Variants in IFT74 observed in about 807,000 individuals in gnomAD.
IFT74 encodes the protein intraflagellar transport 74.
A neutral mutation model predicts 96.7 loss-of-function variants in IFT74; 92 were observed. The ratio of observed to expected loss-of-function variants is 0.95; its 90% confidence interval spans 0.80 to 1.13. The LOEUF (loss-of-function observed/expected upper bound fraction) is 1.13, where lower values mean the gene tolerates loss of function less well. Among genes scored for constraint, IFT74 ranks in the 50% most tolerant of loss-of-function variants. The probability of loss-of-function intolerance (pLI) is 0.00; values close to 1 mark genes in which losing one functional copy is unlikely to be tolerated. For missense variants in IFT74, 811 were observed against 698.2 expected (o/e 1.16, Z -1.82); for synonymous variants, 223 against 213.2 (o/e 1.05, Z -0.40).
intron 16 of IFT74, among the ~76,000 whole-genome samples, chr9:27,049,105 C>G (rs1819819236): frequency 6.6e-6 from 1 of 152,072 alleles, no homozygotes; most frequent in Non-Finnish European, 1.5e-5. Flanking sequence ...ATGCAGGCTC[C>G]CCTTTGCCTT....
At chr9:26,985,198 C>G (rs935316383) in intron 6 of IFT74, among the ~76,000 whole-genome samples, 1 of 152,116 alleles carries the variant, frequency 6.6e-6, no homozygotes, top group Non-Finnish European at 1.5e-5. Context: ...CAAACTAACA[C>G]AGGAAAAGAA....
chr9:27,013,398 A>G (rs1349235437), intron 10 of IFT74, among the ~76,000 whole-genome samples: 2 of 152,230 alleles, frequency 1.3e-5, no homozygotes, highest in African/African-American at 4.8e-5. Context: ...GAAAGCATAC[A>G]TTTTATGCGA....
intron 13 of IFT74, among the ~76,000 whole-genome samples, chr9:27,037,955 G>C (rs1031667122): frequency 1.3e-5 from 2 of 152,176 alleles, no homozygotes; most frequent in Non-Finnish European, 2.9e-5. Flanking sequence ...TGATGTTCTT[G>C]CCTAAGGCAA....
chr9:27,038,626 T>G (rs1819319388), intron 13 of IFT74, among the ~76,000 whole-genome samples: 1 of 152,162 alleles, frequency 6.6e-6, no homozygotes, highest in Non-Finnish European at 1.5e-5. Context: ...AATGCTTCTC[T>G]GACATGATCA....
At chr9:27,035,982 C>T (rs1203092821) in intron 13 of IFT74, among the ~76,000 whole-genome samples, 1 of 152,198 alleles carries the variant, frequency 6.6e-6, no homozygotes, top group African/African-American at 2.4e-5. Context: ...CAAAGGTCTA[C>T]TGTTGGCTGG....
intron 8 of IFT74, chr9:26,995,334 T>C (rs1341322791): frequency 3.7e-5 from 19 of 508,444 alleles, no homozygotes; most frequent in Non-Finnish European, 3.5e-6. Flanking sequence ...TACCGAGGAG[T>C]GTCAGTTACT....
At chr9:27,061,657 A>G (rs940473024) in intron 19 of IFT74, among the ~76,000 whole-genome samples, 2 of 145,390 alleles carry the variant, frequency 1.4e-5, no homozygotes, top group South Asian at 2.4e-4. Context: ...ATATAACCAT[A>G]TAGTTATATA....
chr9:27,056,427 A>G lies in IFT74; in HGVS notation c.1591A>G (p.Thr531Ala), dbSNP rs1481329254. 3 of 1,599,708 alleles carry G rather than the reference A, an allele frequency of 1.9e-6. No homozygotes were observed. Among genetic ancestry groups the G allele is most frequent in the Non-Finnish European group, 2.6e-6 (3 of 1,174,680 alleles). Residue 531 changes from threonine to alanine, a missense_variant, in exon 18 of 20, where the codon ACA becomes GCA. Physicochemically the swap from Thr to Ala is moderately conservative, Grantham distance 58. Transcript: ENST00000380062. Reference sequence around the variant, plus strand: ...AAACATAGAGTATGAGGCACTAAAAACACAATTGCAAGAAAATGAGACACA... The same window carrying G: ...AAACATAGAGTATGAGGCACTAAAAGCACAATTGCAAGAAAATGAGACACA... ...KQNIEYEALK[T>A]QLQENETHSQ...
At chr9:26,985,531 A>T (rs2131543562) in intron 6 of IFT74, among the ~76,000 whole-genome samples, 1 of 152,288 alleles carries the variant, frequency 6.6e-6, no homozygotes, top group Non-Finnish European at 1.5e-5. Flanking sequence ...ATAGTACATG[A>T]ATACATACTT....
rs188092185 is a variant in IFT74 at position 27,062,586 on chromosome 9, A to G, written c.1685-32A>G. ...CTCAGGCACAATTAGATTTTTATTG[A>G]CATTGTTTTCCCCCTTAACTCATGT... On this transcript the variant is annotated intron_variant, in intron 19 of 19. Transcript: ENST00000380062. 3.8e-4 allele frequency: 439 copies of G among 1,159,148 alleles called. No individual in the cohort carries two copies. In the African/African-American group the frequency reaches 6.3e-3, roughly 17 times the overall value. The allele number at this position is 1,159,148 out of a possible 1,614,324, so 71.8% of individuals were successfully genotyped here.
rs542867741 is a variant in IFT74 at position 27,026,490 on chromosome 9, T to C, written c.975-2535T>C. Among the ~76,000 whole-genome samples the C allele has an allele frequency of 3.9e-4, 59 of 152,260 alleles. 1 individual carries two copies. The South Asian group carries it at 6.0e-3, about 16-fold the overall frequency. ...AACAAATGGACTCAACAGATATTTATAGAACATTCTACCCAACAACTGCAG... is the reference window on the plus strand; with the variant it reads ...AACAAATGGACTCAACAGATATTTACAGAACATTCTACCCAACAACTGCAG... On this transcript the variant is annotated intron_variant, in intron 12 of 19. Coordinates refer to ENST00000380062, the MANE Select transcript of IFT74 (RefSeq NM_025103.4).
chr9:27,015,161 TG>T (rs1829282175), intron 10 of IFT74, among the ~76,000 whole-genome samples: 1 of 152,242 alleles, frequency 6.6e-6, no homozygotes, highest in South Asian at 2.1e-4. Context: ...GACGATACTA[TG>T]AAAAAGGATA....
At chr9:27,049,873 A>G (rs1389995695) in intron 16 of IFT74, among the ~76,000 whole-genome samples, 3 of 152,134 alleles carry the variant, frequency 2.0e-5, no homozygotes, top group Non-Finnish European at 2.9e-5. Flanking sequence ...AGTATATATT[A>G]TATTTATATA....
intron 1 of IFT74, among the ~76,000 whole-genome samples, chr9:26,957,118 T>C (rs965492455): frequency 2.0e-5 from 3 of 152,228 alleles, no homozygotes; most frequent in African/African-American, 7.2e-5. Context: ...AAGGCCAGGC[T>C]GCCTCTCTGT....
intron 12 of IFT74, 129 bp from the exon 13 acceptor site, chr9:27,028,896 C>T (rs1294159433): frequency 2.5e-6 from 2 of 795,910 alleles, no homozygotes; most frequent in Non-Finnish European, 3.9e-6. Flanking sequence ...TAGTATTGTC[C>T]TTAGAATAAG....
chr9:27,034,203 TATG>T lies in IFT74; in HGVS notation c.1054+5102_1054+5104del, dbSNP rs558139521. Among the ~76,000 whole-genome samples, 510 of 152,324 alleles carry T rather than the reference TATG, an allele frequency of 3.3e-3. 3 individuals carry two copies. The highest frequency in any genetic ancestry group is 5.2e-3 in the Non-Finnish European group (354 of 68,024). The stretch of plus-strand genomic sequence containing the variant: ...GTGGAGTTGATTGTAAAACCAAATA[TATG>T]ATTATTAAAATACCATAATACATAT... On this transcript the variant is annotated intron_variant, in intron 13 of 19. Transcript: ENST00000380062.
chr9:26,962,411 C>T (rs894700256), intron 2 of IFT74, among the ~76,000 whole-genome samples: 2 of 152,190 alleles, frequency 1.3e-5, no homozygotes, highest in Non-Finnish European at 2.9e-5. Context: ...AAGATGCCTG[C>T]TCCTGCAGAT....
chr9:27,008,488 A>T (rs1197553658), intron 8 of IFT74, among the ~76,000 whole-genome samples: 1 of 151,836 alleles, frequency 6.6e-6, no homozygotes, highest in African/African-American at 2.4e-5. Context: ...CCTCCCAAGT[A>T]GCTGGGATTA....
intron 13 of IFT74, among the ~76,000 whole-genome samples, chr9:27,035,343 A>C (rs753621137): frequency 5.9e-5 from 9 of 152,246 alleles, no homozygotes; most frequent in Non-Finnish European, 1.2e-4. Context: ...ATCCATTACT[A>C]TTCTGTGGTT....
Sources: gnomAD v4.1 joint callset for allele counts (sites outside exome capture counted in the v4.1 genomes callset) on GRCh38, gnomAD v4.1.1 for gene constraint, MANE v1.5 for transcripts, NCBI Gene and HGNC (gene_info 2026-07-23, HGNC 2026-07-21) for gene names.